DLG1: variants seen among roughly 807,000 people sequenced by gnomAD.
The protein encoded by DLG1 is disks large homolog 1.
In DLG1, 42 loss-of-function variants were observed where a neutral mutation model predicts 123.4. The ratio of observed to expected loss-of-function variants is 0.34; its 90% CI spans 0.27 to 0.44. DLG1 has a LOEUF of 0.44. Among genes scored for constraint, DLG1 ranks in the 20% least tolerant of loss-of-function variants. The pLI is 1.00. For synonymous variants in DLG1, 317 were observed against 356.2 expected, an observed-to-expected ratio of 0.89 and a Z score of 1.24; for missense variants, 942 against 1,082.6, an observed-to-expected ratio of 0.87 and a Z score of 1.82.
chr3:197,297,663 T>C (rs1778164495), intron 1 of DLG1: 6 of 991,312 alleles, frequency 6.1e-6, no homozygotes, highest in Middle Eastern at 1.0e-3. Context: ...GGCCCCCTCC[T>C]CTCGCTTGCC....
Position 197,119,395 on chromosome 3 carries a change from T to A in DLG1, c.1286+15A>T. 1 of 1,578,600 alleles carries A rather than the reference T, an allele frequency of 6.3e-7. No individual in the cohort carries two copies. Among genetic ancestry groups the A allele is most frequent in the Middle Eastern group, 1.7e-4 (1 of 5,888 alleles). ...GTTGATTTTATGTAAGAAGGATAAA[T>A]GTTAACTTCCTTACCTTGTAATTTC... On this transcript the variant is annotated intron_variant, in intron 12 of 24. Transcript: ENST00000667157.
In DLG1 at chr3:197,263,173, C is replaced by T. The variant is rs1328937949; in HGVS notation, c.318+19506G>A. On this transcript the variant is annotated intron_variant, in intron 4 of 24. Coordinates refer to ENST00000667157, the MANE Select transcript of DLG1 (RefSeq NM_001366207.1). ...GTATGTAAAACCCTTTACCTGGTTG[C>T]TCTCTTAGTATTCTGAAGTTTCTCT... Among the ~76,000 whole-genome samples the T allele has an allele frequency of 1.3e-5, 2 of 152,212 alleles. 1 individual carries two copies.
intron 6 of DLG1, among the ~76,000 whole-genome samples, chr3:197,148,411 G>GAAAAAAAAAAAAA (rs780479244): frequency 2.3e-5 from 1 of 42,894 alleles, no homozygotes; most frequent in Admixed American, 2.6e-4. Flanking sequence ...ACTGTCTCAA[G>GAAAAAAAAAAAAA]AAAAAAAAAA....
At chr3:197,182,100 A>G (rs1254021505) in intron 5 of DLG1, among the ~76,000 whole-genome samples, 1 of 151,840 alleles carries the variant, frequency 6.6e-6, no homozygotes, top group Non-Finnish European at 1.5e-5. Flanking sequence ...CTGTGCATAC[A>G]TATATAGAAG....
chr3:197,237,779 C>T (rs946437375), intron 4 of DLG1, among the ~76,000 whole-genome samples: 2 of 152,196 alleles, frequency 1.3e-5, no homozygotes, highest in South Asian at 2.1e-4. Flanking sequence ...TAACAAGGTG[C>T]ACAACCCTAC....
intron 13 of DLG1, among the ~76,000 whole-genome samples, chr3:197,109,421 G>A (rs867358963): frequency 2.6e-5 from 4 of 152,098 alleles, no homozygotes; most frequent in African/African-American, 4.8e-5. Context: ...TTCTTTACCC[G>A]CCTTGTGGTG....
intron 22 of DLG1, among the ~76,000 whole-genome samples, chr3:197,060,295 G>A (rs980161358): frequency 1.4e-4 from 22 of 152,106 alleles, no homozygotes; most frequent in African/African-American, 2.9e-4. Context: ...CTCCCCCGCC[G>A]TTCCCTTTTT....
At chr3:197,055,403 C>T (rs1019674985) in intron 23 of DLG1, among the ~76,000 whole-genome samples, 3 of 152,098 alleles carry the variant, frequency 2.0e-5, no homozygotes, top group Non-Finnish European at 4.4e-5. Context: ...CCTGTTTCTT[C>T]GTATGTCTTG....
intron 6 of DLG1, among the ~76,000 whole-genome samples, chr3:197,147,543 T>C (rs553874791): frequency 1.3e-5 from 2 of 151,784 alleles, no homozygotes; most frequent in African/African-American, 4.8e-5. Context: ...GAACTGGAGA[T>C]TATTATTCTA....
chr3:197,278,715 G>A (rs1767760455), intron 4 of DLG1, among the ~76,000 whole-genome samples: 1 of 151,632 alleles, frequency 6.6e-6, no homozygotes, highest in Non-Finnish European at 1.5e-5. Context: ...CAAATGACCT[G>A]GCAAGAATTA....
intron 15 of DLG1, among the ~76,000 whole-genome samples, 196 bp from the exon 16 acceptor site, chr3:197,085,952 A>G (rs917674921): frequency 6.6e-6 from 1 of 151,478 alleles, no homozygotes; most frequent in Non-Finnish European, 1.5e-5. Context: ...AAAATACTGT[A>G]TTGTATTATT....
chr3:197,225,589 G>A (rs930545156), intron 4 of DLG1, among the ~76,000 whole-genome samples: 1 of 152,126 alleles, frequency 6.6e-6, no homozygotes, highest in Admixed American at 6.5e-5. Flanking sequence ...ATTCTCCACA[G>A]TAGCAACACA....
At chr3:197,143,274 ATGGAGTCTCGCTC>A (rs1448979837) in intron 6 of DLG1, among the ~76,000 whole-genome samples, 1 of 148,504 alleles carries the variant, frequency 6.7e-6, no homozygotes, top group Non-Finnish European at 1.5e-5. Flanking sequence ...TTTTTTTGAG[ATGGAGTCTCGCTC>A]TGTTGCCCAG....
chr3:197,158,659 C>CAAAAAAAA (rs1797509069), intron 5 of DLG1, among the ~76,000 whole-genome samples: 1 of 117,874 alleles, frequency 8.5e-6, no homozygotes, highest in South Asian at 2.6e-4. Flanking sequence ...AAAAAAAAAG[C>CAAAAAAAA]CCAGAGGCAG....
chr3:197,068,387 A>C (rs1741205183), intron 19 of DLG1: 5 of 738,230 alleles, frequency 6.8e-6, no homozygotes, highest in Non-Finnish European at 1.1e-5. Flanking sequence ...CCACACCAAA[A>C]AAAAAATCAT....
chr3:197,263,457 C>T (rs963809106), intron 4 of DLG1, among the ~76,000 whole-genome samples: 5 of 152,110 alleles, frequency 3.3e-5, no homozygotes, highest in African/African-American at 9.7e-5. Context: ...TTTTTAAATC[C>T]GTTGGATTCT....
rs144817818 is a variant in DLG1, at chr3:197,212,243, C to T, written c.319-17654G>A. On this transcript the variant is annotated intron_variant, in intron 4 of 24. Transcript: ENST00000667157. ...TTAAAAAACAAACAAAAAACCCTAC[C>T]GCTAATGCACACAATGGTGATATGT... Among the ~76,000 whole-genome samples, 18 of 146,226 alleles carry T rather than the reference C, an allele frequency of 1.2e-4. 1 individual carries two copies. Among genetic ancestry groups the T allele is most frequent in the Admixed American group, 9.6e-4 (14 of 14,558 alleles).
chr3:197,144,072 C>G (rs1789440814), intron 6 of DLG1, among the ~76,000 whole-genome samples: 2 of 152,156 alleles, frequency 1.3e-5, no homozygotes, highest in South Asian at 4.1e-4. Flanking sequence ...GAAGATGGCT[C>G]ACATCTTCCA....
chr3:197,112,738 C>G (rs933248117), intron 13 of DLG1, among the ~76,000 whole-genome samples: 6 of 151,746 alleles, frequency 4.0e-5, no homozygotes, highest in Non-Finnish European at 8.8e-5. Flanking sequence ...CTACAAGTGC[C>G]CACTACTATG....
Sources: allele counts gnomAD v4.1 joint callset (sites outside exome capture counted in the v4.1 genomes callset), GRCh38; gene constraint gnomAD v4.1.1; transcripts MANE v1.5; gene names NCBI Gene and HGNC (gene_info 2026-07-23, HGNC 2026-07-21).